Variants in WDR64 observed in about 807,000 individuals in gnomAD.
The protein encoded by WDR64 is WD repeat-containing protein 64.
Under a neutral mutation model 139.3 loss-of-function variants are expected in WDR64, and 112 were observed. The ratio of observed to expected loss-of-function variants is 0.80; its 90% CI spans 0.69 to 0.94. The LOEUF (loss-of-function observed/expected upper bound fraction) is 0.94, where lower values mean the gene tolerates loss of function less well. WDR64 is among the 40% of genes least tolerant of loss of function. The probability of loss-of-function intolerance (pLI) is 0.00; values close to 1 mark genes in which losing one functional copy is unlikely to be tolerated. For missense variants in WDR64, 1,206 were observed against 1,293.1 expected, an observed-to-expected ratio of 0.93 and a Z score of 1.03; for synonymous variants, 444 against 437.7, an observed-to-expected ratio of 1.01 and a Z score of -0.18.
intron 13 of WDR64, among the ~76,000 whole-genome samples, chr1:241,747,841 C>T (rs1436922377): frequency 6.6e-6 from 1 of 152,134 alleles, no homozygotes; most frequent in Non-Finnish European, 1.5e-5. Context: ...TACTGTCTTA[C>T]CTAGGGCAGT....
intron 8 of WDR64, among the ~76,000 whole-genome samples, chr1:241,704,308 T>C (rs1043698019): frequency 6.6e-5 from 10 of 152,118 alleles, no homozygotes; most frequent in African/African-American, 2.4e-4. Context: ...GGAAAGTATA[T>C]GAAAAAACGC....
intron 9 of WDR64, 58 bp downstream of exon 9, chr1:241,711,939 C>A: frequency 6.5e-7 from 1 of 1,536,658 alleles, no homozygotes; most frequent in Non-Finnish European, 9.0e-7. Context: ...TCGTTCTCTT[C>A]GAGTTTTGGT....
At chr1:241,718,476 G>GGGCACA (rs150901415) in intron 9 of WDR64, among the ~76,000 whole-genome samples, 3,390 of 152,102 alleles carry the variant, frequency 0.022, 128 homozygotes, top group African/African-American at 0.078. Flanking sequence ...AAAATACTAA[G>GGGCACA]GGCACAAAGG....
chr1:241,729,612 T>C (rs1668995610), intron 10 of WDR64, among the ~76,000 whole-genome samples: 1 of 152,206 alleles, frequency 6.6e-6, no homozygotes, highest in Non-Finnish European at 1.5e-5. Context: ...ACATCCTATA[T>C]ATCCTTTACA....
At chr1:241,653,558 T>C (rs1417105790) in intron 1 of WDR64, among the ~76,000 whole-genome samples, 1 of 150,118 alleles carries the variant, frequency 6.7e-6, no homozygotes, top group South Asian at 2.1e-4. Context: ...TTTTTTTTTT[T>C]CTGAGACGGA....
At chr1:241,789,668 G>C (rs1275258592) in intron 24 of WDR64, among the ~76,000 whole-genome samples, 1 of 152,184 alleles carries the variant, frequency 6.6e-6, no homozygotes, top group Non-Finnish European at 1.5e-5. Context: ...ATAAGTGGGA[G>C]CTAAATGATG....
chr1:241,737,026 G>T (rs1330017537), intron 10 of WDR64, among the ~76,000 whole-genome samples: 6 of 152,066 alleles, frequency 3.9e-5, no homozygotes, highest in African/African-American at 1.2e-4. Flanking sequence ...ACATTTTTTG[G>T]TGAATTCCTT....
chr1:241,679,304 G>C lies in WDR64; in HGVS notation c.514-181G>C, dbSNP rs919954386. On this transcript the variant is annotated intron_variant, in intron 5 of 27. Coordinates refer to ENST00000437684, the MANE Select transcript of WDR64 (RefSeq NM_001367482.1). ...ATAGTACTGAGAAACTCAGGGTAAGGGTGAAAGGGGAAAAGATGGGAGCCT... is the reference window on the plus strand; with the variant it reads ...ATAGTACTGAGAAACTCAGGGTAAGCGTGAAAGGGGAAAAGATGGGAGCCT... 3.3e-5 allele frequency among the ~76,000 whole-genome samples: 5 copies of C among 152,142 alleles called. 1 individual carries two copies. The highest frequency in any genetic ancestry group is 1.3e-4 in the Admixed American group (2 of 15,260).
intron 2 of WDR64, among the ~76,000 whole-genome samples, chr1:241,663,489 A>G (rs1313118208): frequency 6.6e-6 from 1 of 152,234 alleles, no homozygotes; most frequent in Non-Finnish European, 1.5e-5. Flanking sequence ...ACCCACCCTC[A>G]TATGGTGGAT....
chr1:241,659,920 C>T (rs1027433690), intron 1 of WDR64, among the ~76,000 whole-genome samples: 71 of 152,144 alleles, frequency 4.7e-4, no homozygotes, highest in African/African-American at 1.7e-3. Flanking sequence ...AATTAGATCC[C>T]ATTTGTCAAT....
At chr1:241,752,526 G>A (rs1281786059) in intron 14 of WDR64, among the ~76,000 whole-genome samples, 3 of 152,148 alleles carry the variant, frequency 2.0e-5, no homozygotes, top group Non-Finnish European at 2.9e-5. Context: ...TGTCATAGGA[G>A]GTTCCATTGA....
At position 241,687,491 on chromosome 1, in the gene WDR64, T is replaced by A; in HGVS notation, c.870T>A (p.Val290=). ...AAAGGAAGCTACATAATGACTGGGT[T>A]ATGAAAATTAGATATATTTCAGCCC... The part of the protein sequence containing the change: ...SVKRKLHNDW[V]MKIRYISALN... The change falls in exon 8 of 28, where the codon GTT becomes GTA. Residue 290 remains valine, a synonymous_variant. Coordinates refer to ENST00000437684, the MANE Select transcript of WDR64 (RefSeq NM_001367482.1). 6.2e-7 allele frequency: 1 copy of A among 1,613,980 alleles called. No individual in the cohort carries two copies. Among genetic ancestry groups the A allele is most frequent in the Non-Finnish European group, 8.5e-7 (1 of 1,179,944 alleles).
rs753308928 is a variant in WDR64 at position 241,790,670 on chromosome 1, T to G, written c.2971T>G (p.Phe991Val). ...KAFEVEQDFKFFKSLSSPKIR... is the reference protein window; with the variant it reads ...KAFEVEQDFKVFKSLSSPKIR... ...CTTTGAAGTGGAACAGGATTTCAAG[T>G]TTTTCAAGTCTCTTTCTTCTCCTAA... Residue 991 changes from phenylalanine to valine, a missense_variant, in exon 25 of 28, where the codon TTT becomes GTT. Transcript: ENST00000437684. 6.2e-7 allele frequency: 1 copy of G among 1,608,016 alleles called. No individual in the cohort carries two copies. The highest frequency in any genetic ancestry group is 8.5e-7 in the Non-Finnish European group (1 of 1,178,848).
rs1295087836 is a variant in WDR64, at chr1:241,687,481, A to G, written c.860A>G (p.Asn287Ser). ...NFKSVKRKLHNDWVMKIRYIS... is the reference protein window; with the variant it reads ...NFKSVKRKLHSDWVMKIRYIS... ...CCCAGTGTTAAAAGGAAGCTACATAATGACTGGGTTATGAAAATTAGATAT... is the reference window on the plus strand; with the variant it reads ...CCCAGTGTTAAAAGGAAGCTACATAGTGACTGGGTTATGAAAATTAGATAT... The change falls in exon 8 of 28, where the codon AAT becomes AGT. Residue 287 changes from asparagine to serine, a missense_variant. Coordinates refer to ENST00000437684, the MANE Select transcript of WDR64 (RefSeq NM_001367482.1). The G allele has an allele frequency of 1.5e-5, 24 of 1,613,740 alleles. No homozygotes were observed. The highest frequency in any genetic ancestry group is 1.9e-5 in the Non-Finnish European group (23 of 1,179,910).
chr1:241,795,470 T>G (rs1659338168), intron 26 of WDR64, among the ~76,000 whole-genome samples, 183 bp downstream of exon 26: 1 of 152,148 alleles, frequency 6.6e-6, no homozygotes, highest in Admixed American at 6.6e-5. Flanking sequence ...AATGACCGGG[T>G]CCCTTGTCTC....
chr1:241,773,169 GTCTC>G (rs10530068), intron 20 of WDR64, among the ~76,000 whole-genome samples: 1 of 152,156 alleles, frequency 6.6e-6, no homozygotes, highest in African/African-American at 2.4e-5. Context: ...TTTCAAATAT[GTCTC>G]TCTTTTTGGA....
At chr1:241,696,611 C>T (rs1401813322) in intron 8 of WDR64, among the ~76,000 whole-genome samples, 1 of 151,950 alleles carries the variant, frequency 6.6e-6, no homozygotes, top group Non-Finnish European at 1.5e-5. Context: ...CTTTTTTAGA[C>T]CATAGAGGGT....
chr1:241,797,757 T>C (rs1021918149), intron 27 of WDR64, among the ~76,000 whole-genome samples: 11 of 152,076 alleles, frequency 7.2e-5, no homozygotes, highest in Admixed American at 6.6e-4. Context: ...AACACAGTTG[T>C]ATAAATAATC....
chr1:241,683,006 T>C (rs986729235), intron 6 of WDR64, among the ~76,000 whole-genome samples: 1 of 152,188 alleles, frequency 6.6e-6, no homozygotes, highest in Non-Finnish European at 1.5e-5. Flanking sequence ...AGTGGCCCCA[T>C]TCAATAGTAC....
Sources: allele counts gnomAD v4.1 joint callset (sites outside exome capture counted in the v4.1 genomes callset), GRCh38; gene constraint gnomAD v4.1.1; transcripts MANE v1.5; gene names NCBI Gene and HGNC (gene_info 2026-07-23, HGNC 2026-07-21).